The following NTMT1 variants were observed in gnomAD, a reference collection of about 807,000 sequenced individuals.
NTMT1 encodes the protein N-terminal Xaa-Pro-Lys N-methyltransferase 1.
In NTMT1, 8 loss-of-function variants were observed where a neutral mutation model predicts 17.5. The observed-to-expected ratio is 0.46, with a 90% confidence interval of 0.27 to 0.82. The LOEUF (loss-of-function observed/expected upper bound fraction) is 0.82, where lower values mean the gene tolerates loss of function less well. NTMT1 is among the 40% of genes least tolerant of loss of function. The pLI is 0.15. For missense variants in NTMT1, 221 were observed against 303.5 expected, an observed-to-expected ratio of 0.73 and a Z score of 2.02; for synonymous variants, 128 against 126.8, an observed-to-expected ratio of 1.01 and a Z score of -0.06.
rs568746331 is a variant in NTMT1, at chr9:129,631,158, C to T, written c.-54-1492C>T. 2.0e-3 allele frequency among the ~76,000 whole-genome samples: 312 copies of T among 152,360 alleles called. 4 individuals are homozygous for T. The highest frequency in any genetic ancestry group is 3.3e-3 in the Non-Finnish European group (223 of 68,030). On this transcript the variant is annotated intron_variant, in intron 1 of 3. Coordinates refer to ENST00000372483, the MANE Select transcript of NTMT1 (RefSeq NM_014064.4). ...CTTGGCTGCCCAGCTCGGGCTGCCTCCTCCAGGCGGCTGCCCCTATCTGCT... is the reference window on the plus strand; with the variant it reads ...CTTGGCTGCCCAGCTCGGGCTGCCTTCTCCAGGCGGCTGCCCCTATCTGCT...
At chr9:129,619,305 A>G (rs1830553062) in intron 1 of NTMT1, among the ~76,000 whole-genome samples, 1 of 152,098 alleles carries the variant, frequency 6.6e-6, no homozygotes, top group African/African-American at 2.4e-5. Context: ...TTGGTAGAAG[A>G]CCTCATTAAT....
intron 1 of NTMT1, among the ~76,000 whole-genome samples, chr9:129,631,836 G>T (rs145086801): frequency 6.6e-6 from 1 of 152,104 alleles, no homozygotes; most frequent in African/African-American, 2.4e-5. Flanking sequence ...TCCTCCCTCC[G>T]TGCTCTGCTG....
intron 2 of NTMT1, 118 bp downstream of exon 2, chr9:129,632,983 T>A (rs959834467): frequency 8.5e-7 from 1 of 1,179,494 alleles, no homozygotes; most frequent in East Asian, 2.4e-5. Flanking sequence ...TATCTCTTGG[T>A]ACCTACCCCA....
chr9:129,612,536 A>C, intron 1 of NTMT1: 3 of 1,097,172 alleles, frequency 2.7e-6, no homozygotes, highest in Non-Finnish European at 4.1e-6. Context: ...TCTGTGCTGA[A>C]GCCCTGTTGG....
Position 129,620,433 on chromosome 9 carries a change from C to G in NTMT1, c.-55+11255C>G, listed in dbSNP as rs1830636032. 6 of 1,267,598 alleles carry G rather than the reference C, an allele frequency of 4.7e-6. No individual in the cohort carries two copies. In the East Asian group the frequency reaches 1.9e-4, roughly 40 times the overall value. The allele number at this position is 1,267,598 out of a possible 1,614,324, so 78.5% of individuals were successfully genotyped here. On this transcript the variant is annotated intron_variant, in intron 1 of 3. Transcript: ENST00000372486. The surrounding 1 kb of genome is among the most constrained non-coding windows in gnomAD (Gnocchi z 5.8). ...CCCGGGATCCTCCAGTCCCCGGAGC[C>G]CCGCGCGCCCAGAGCCGCTCGGAGC...
At position 129,613,584 on chromosome 9, in the gene NTMT1, G is replaced by C. The variant is rs1487293578; in HGVS notation, c.-55+4406G>C. Reference sequence around the variant, plus strand: ...GCAGGGCGGCCTTCTGGTTCACAATGACGCTCTGTTGGACTGCAGGAAAGA... The same window carrying C: ...GCAGGGCGGCCTTCTGGTTCACAATCACGCTCTGTTGGACTGCAGGAAAGA... On this transcript the variant is annotated intron_variant, in intron 1 of 3. Coordinates refer to the NTMT1 transcript ENST00000372486. This position sits in a 1 kb window ranked among gnomAD's most constrained non-coding sequence, Gnocchi z 6.2. 1 of 1,614,122 alleles carries C rather than the reference G, an allele frequency of 6.2e-7. No homozygotes were observed. The highest frequency in any genetic ancestry group is 1.1e-5 in the South Asian group (1 of 91,080).
At chr9:129,610,298 C>T (rs1426574214) in intron 1 of NTMT1, among the ~76,000 whole-genome samples, 1 of 127,890 alleles carries the variant, frequency 7.8e-6, no homozygotes, top group Non-Finnish European at 1.7e-5. Flanking sequence ...CCTGCAGGCC[C>T]CGCCCCCCCC....
intron 1 of NTMT1, chr9:129,628,475 T>C (rs950402282): frequency 1.3e-5 from 2 of 152,252 alleles, no homozygotes; most frequent in Non-Finnish European, 2.9e-5. Flanking sequence ...CAGAATTATA[T>C]TGTCGGTAGC....
intron 1 of NTMT1, chr9:129,612,316 T>G: frequency 6.4e-7 from 1 of 1,572,754 alleles, no homozygotes; most frequent in Non-Finnish European, 8.7e-7. Flanking sequence ...GCCTGGCCCA[T>G]GTGTGCCCCT....
At position 129,619,764 on chromosome 9, in the gene NTMT1, T is replaced by C. The variant is rs139758889; in HGVS notation, c.-55+10586T>C. On this transcript the variant is annotated intron_variant, in intron 1 of 3. Coordinates refer to the NTMT1 transcript ENST00000372486. ...CCACAGGTCTGGGAGGAATGAACAG[T>C]TGGGACACCGCGGAGACCCTGGGCA... The C allele has an allele frequency of 3.6e-3, 5,792 of 1,613,656 alleles. 20 individuals are homozygous for C. The highest frequency in any genetic ancestry group is 0.011 in the Middle Eastern group (65 of 6,062).
chr9:129,624,663 C>G (rs1830838925), upstream of NTMT1, among the ~76,000 whole-genome samples: 1 of 152,156 alleles, frequency 6.6e-6, no homozygotes, highest in African/African-American at 2.4e-5. Context: ...GAGTTTCGTT[C>G]TTGTCACCCA....
chr9:129,612,367 G>T (rs147897388), intron 1 of NTMT1: 34 of 1,613,708 alleles, frequency 2.1e-5, no homozygotes, highest in Middle Eastern at 1.6e-4. Flanking sequence ...TCTGGCTGCA[G>T]TGTTGCGGAG....
intron 1 of NTMT1, chr9:129,615,709 C>A: frequency 1.4e-6 from 2 of 1,455,100 alleles, no homozygotes; most frequent in South Asian, 2.9e-5. Context: ...ACACACGCAC[C>A]AGCCCCAGAC....
rs566366093 is a variant in NTMT1, at chr9:129,635,717, G to C, written c.*253G>C. Reference sequence around the variant, plus strand: ...CTGCGAGATGGGATTGGGTGGAAGGGGCTCCAGGGCTCCTGGTGCTCCCCA... The same window carrying C: ...CTGCGAGATGGGATTGGGTGGAAGGCGCTCCAGGGCTCCTGGTGCTCCCCA... On this transcript the variant is annotated 3_prime_UTR_variant, in exon 4 of 4. Transcript: ENST00000372483. The C allele has an allele frequency of 2.2e-4, 100 of 456,054 alleles. No individual in the cohort carries two copies. The East Asian group carries it at 3.9e-3, about 18-fold the overall frequency. The allele number at this position is 456,054 out of a possible 1,614,324, so 28.3% of individuals were successfully genotyped here.
At chr9:129,635,050 T>G in intron 3 of NTMT1, 158 bp from the exon 4 acceptor site, 1 of 806,734 alleles carries the variant, frequency 1.2e-6, no homozygotes, top group Non-Finnish European at 2.0e-6. Flanking sequence ...TGAATTGGGG[T>G]TTAGTAAATC....
chr9:129,635,632 G>C lies in NTMT1; in HGVS notation c.*168G>C. 1.2e-6 allele frequency: 1 copy of C among 840,202 alleles called. No individual in the cohort carries two copies. Among genetic ancestry groups the C allele is most frequent in the Non-Finnish European group, 1.9e-6 (1 of 537,590 alleles). The allele number at this position is 840,202 out of a possible 1,614,324, so 52.0% of individuals were successfully genotyped here. The stretch of plus-strand genomic sequence containing the variant: ...GGCTCTTCTTCAAAAGGCAAGGTGG[G>C]ACCCGGCGGGGAGGGTGCTGCTGAA... On this transcript the variant is annotated 3_prime_UTR_variant, in exon 4 of 4. Transcript: ENST00000372483.
upstream of NTMT1, among the ~76,000 whole-genome samples, chr9:129,623,343 AAAGAAG>A (rs1481526993): frequency 4.9e-4 from 69 of 140,960 alleles, no homozygotes; most frequent in Middle Eastern, 7.1e-3. Flanking sequence ...AAAAAAAAAA[AAAGAAG>A]GAAGGAAGGA....
rs1456312762 is a variant in NTMT1, at chr9:129,635,975, T to G, written c.*511T>G. 1 of 154,904 alleles carries G rather than the reference T, an allele frequency of 6.5e-6. No homozygotes were observed. Among genetic ancestry groups the G allele is most frequent in the Non-Finnish European group, 1.4e-5 (1 of 69,940 alleles). 9.6% of individuals were successfully genotyped at this position (154,904 alleles called of 1,614,324 possible). ...GGGTGCTCATGTGCCAAGTCCTGCT[T>G]GGCAGTGGAGACCTGGGGCCCTTAA... On this transcript the variant is annotated 3_prime_UTR_variant, in exon 4 of 4. Transcript: ENST00000372483.
At chr9:129,622,191 A>C (rs1437292005), upstream of NTMT1, among the ~76,000 whole-genome samples, 3 of 152,072 alleles carry the variant, frequency 2.0e-5, no homozygotes, top group Non-Finnish European at 4.4e-5. Context: ...AATACAATGG[A>C]CCTAGAAATG....
Sources: allele counts gnomAD v4.1 joint callset (sites outside exome capture counted in the v4.1 genomes callset), GRCh38; gene constraint gnomAD v4.1.1; non-coding constraint Gnocchi (gnomAD v3.1); transcripts MANE v1.5; gene names NCBI Gene and HGNC (gene_info 2026-07-23, HGNC 2026-07-21).